NID1: variants seen among roughly 807,000 people sequenced by gnomAD.
The protein encoded by NID1 is nidogen-1.
In NID1, 76 loss-of-function variants were observed where a neutral mutation model predicts 130.6. That is an observed-to-expected ratio of 0.58 (90% CI 0.48 to 0.70). NID1 has a LOEUF of 0.70. Among genes scored for constraint, NID1 ranks in the 30% least tolerant of loss-of-function variants. NID1 has a pLI of 0.00. For missense variants in NID1, 1,517 were observed against 1,664.8 expected (o/e 0.91, Z 1.54); for synonymous variants, 665 against 675.1 (o/e 0.98, Z 0.23).
rs576999361 is a variant in NID1, at chr1:235,985,571, C to G, written c.2929-66G>C. ...GCATCTGATAGTGAGAATCTTTTTG[C>G]GTGCCTACAGGCATTTGGATATCTT... On this transcript the variant is annotated intron_variant, in intron 14 of 19. Coordinates refer to ENST00000264187, the MANE Select transcript of NID1 (RefSeq NM_002508.3). 3.8e-6 allele frequency: 6 copies of G among 1,566,246 alleles called. No homozygotes were observed. In the African/African-American group the frequency reaches 8.1e-5, roughly 21 times the overall value.
chr1:236,039,942 A>G (rs1311776683), intron 4 of NID1, among the ~76,000 whole-genome samples: 1 of 152,196 alleles, frequency 6.6e-6, no homozygotes, highest in Non-Finnish European at 1.5e-5. Flanking sequence ...TGGCCACAGA[A>G]GACTGACCTT....
At chr1:236,046,626 C>A (rs1659610029) in intron 2 of NID1, among the ~76,000 whole-genome samples, 1 of 151,810 alleles carries the variant, frequency 6.6e-6, no homozygotes, top group Non-Finnish European at 1.5e-5. Context: ...AGAGCAAGGG[C>A]AAGGTCAGGG....
At position 235,980,551 on chromosome 1, in the gene NID1, C is replaced by T; in HGVS notation, c.3330G>A (p.Leu1110=). 1.2e-6 allele frequency: 2 copies of T among 1,614,204 alleles called. No individual in the cohort carries two copies. Among genetic ancestry groups the T allele is most frequent in the East Asian group, 2.2e-5 (1 of 44,882 alleles). ...RRILVQDDLG[L]PNGLTFDAFS... ...ACGCATCGAAGGTCAGTCCATTGGG[C>T]AAGCCCAGGTCATCCTGCACAAGGA... is the stretch of plus-strand genomic sequence containing the variant. Residue 1110 remains leucine (L), a synonymous_variant, in exon 17 of 20, where the codon TTG becomes TTA. Coordinates refer to ENST00000264187, the MANE Select transcript of NID1 (RefSeq NM_002508.3).
Position 236,038,231 on chromosome 1 carries a change from G to T in NID1, c.1158C>A (p.Ser386=). 3 of 1,612,564 alleles carry T rather than the reference G, an allele frequency of 1.9e-6. No homozygotes were observed. Among genetic ancestry groups the T allele is most frequent in the Non-Finnish European group, 1.7e-6 (2 of 1,178,970 alleles). Residue 386 remains serine, a synonymous_variant, in exon 5 of 20, where the codon TCC becomes TCA. Coordinates refer to ENST00000264187, the MANE Select transcript of NID1 (RefSeq NM_002508.3). ...TGVVFSYNTD[S]RQTCANNRHQ... is the part of the protein sequence containing the mutation. ...GTCTGTTGTTAGCACACGTCTGGCG[G>T]GAATCCGTGTTATAGCTGAAAACTG...
At position 235,977,865 on chromosome 1, in the gene NID1, CT is replaced by C; in HGVS notation, c.*1del. On this transcript the variant is annotated 3_prime_UTR_variant, in exon 20 of 20. Transcript: ENST00000264187. Reference sequence around the variant, plus strand: ...TGGAAAGGAAATAAGGCACTCTTGTCTTCATTTCTGTTCGATACAGTCAACT... The same window carrying C: ...TGGAAAGGAAATAAGGCACTCTTGTCTCATTTCTGTTCGATACAGTCAACT... 1.2e-6 allele frequency: 2 copies of C among 1,613,876 alleles called. No homozygotes were observed. Among genetic ancestry groups the C allele is most frequent in the Non-Finnish European group, 1.7e-6 (2 of 1,179,922 alleles).
intron 5 of NID1, among the ~76,000 whole-genome samples, chr1:236,032,894 C>T (rs149777451): frequency 5.9e-5 from 9 of 152,194 alleles, no homozygotes; most frequent in South Asian, 4.2e-4. Context: ...ATGGATAGCA[C>T]GAAAGCTGTC....
intron 12 of NID1, 133 bp from the exon 13 acceptor site, chr1:235,994,005 T>C (rs1657846032): frequency 8.6e-6 from 6 of 700,860 alleles, no homozygotes; most frequent in African/African-American, 3.6e-5. Context: ...TTTTGTTTCA[T>C]CAGTTATTCA....
intron 1 of NID1, among the ~76,000 whole-genome samples, chr1:236,063,487 T>TAA (rs1010319242): frequency 7.2e-5 from 10 of 138,770 alleles, no homozygotes; most frequent in African/African-American, 1.5e-4. Context: ...AAAAAATAAA[T>TAA]AAATAAATAA....
At chr1:236,039,043 T>A (rs933976755) in intron 4 of NID1, among the ~76,000 whole-genome samples, 14 of 140,718 alleles carry the variant, frequency 9.9e-5, no homozygotes, top group Non-Finnish European at 1.8e-4. Context: ...TAATATATAT[T>A]TACATTATAT....
intron 9 of NID1, among the ~76,000 whole-genome samples, chr1:236,023,461 G>C (rs2102824607): frequency 6.6e-6 from 1 of 152,266 alleles, no homozygotes; most frequent in East Asian, 1.9e-4. Context: ...TGAAGGAAGG[G>C]GGAAATGTGA....
intron 15 of NID1, 89 bp downstream of exon 15, chr1:235,985,290 G>T: frequency 7.4e-7 from 1 of 1,359,536 alleles, no homozygotes; most frequent in Non-Finnish European, 1.0e-6. Context: ...TGAAAGTTTG[G>T]CTTCATTTGC....
rs1213337946 is a variant in NID1, at chr1:235,976,684, T to C, written c.*1183A>G. 1 of 152,178 alleles carries C rather than the reference T, an allele frequency of 6.6e-6. No homozygotes were observed. The highest frequency in any genetic ancestry group is 1.5e-5 in the Non-Finnish European group (1 of 68,038). 9.4% of individuals were successfully genotyped at this position (152,178 alleles called of 1,614,324 possible). On this transcript the variant is annotated 3_prime_UTR_variant, in exon 20 of 20. Transcript: ENST00000264187. Reference sequence around the variant, plus strand: ...AAATTGTAGAAATATAAACATGAAATGTGGCAATGATCCCTTTAATTAGAT... The same window carrying C: ...AAATTGTAGAAATATAAACATGAAACGTGGCAATGATCCCTTTAATTAGAT...
chr1:236,051,148 T>G (rs1659753415), intron 1 of NID1, among the ~76,000 whole-genome samples: 1 of 152,106 alleles, frequency 6.6e-6, no homozygotes, highest in Admixed American at 6.5e-5. Flanking sequence ...AAATGGCACT[T>G]TATTTTGCTC....
At chr1:235,986,369 A>G (rs1558421646) in intron 14 of NID1, among the ~76,000 whole-genome samples, 1 of 152,120 alleles carries the variant, frequency 6.6e-6, no homozygotes, top group Non-Finnish European at 1.5e-5. Flanking sequence ...CAAAGTCAAT[A>G]TAAAATTATT....
rs147109154 is a variant in NID1 at position 236,064,934 on chromosome 1, C to T, written c.146G>A (p.Gly49Glu). ...CAGGGCAGGAGAGACGAAGTCATCC[C>T]CGTCCTCCAGCTCCAGGTCCCCCTG... ...PGQGDLELED[G>E]DDFVSPALEL... The change falls in exon 1 of 20, where the codon GGG becomes GAG. Residue 49 changes from glycine to glutamate, a missense_variant. Physicochemically the swap from Gly to Glu is moderately conservative, Grantham distance 98. This residue lies in a region of NID1 where 1,329 missense variants were observed against 1,429.2 expected (regional missense o/e 0.93). Transcript: ENST00000264187. 8.0e-4 allele frequency: 1,290 copies of T among 1,610,366 alleles called. 2 individuals are homozygous for T. Among genetic ancestry groups the T allele is most frequent in the Admixed American group, 1.9e-3 (116 of 59,714 alleles).
Position 236,029,691 on chromosome 1 carries a change from T to C in NID1, c.1597A>G (p.Ile533Val), listed in dbSNP as rs772580839. The change falls in exon 7 of 20, where the codon ATT becomes GTT. Residue 533 changes from isoleucine (I) to valine (V), a missense_variant. Transcript: ENST00000264187. ...TCGATGCCGCTGAACCGCTGCTTAA[T>C]GACCAGATTGCCCGGGTGCCCCACG... ...TFVGHPGNLV[I>V]KQRFSGIDEH... is the part of the protein sequence containing the mutation. 1 of 1,614,150 alleles carries C rather than the reference T, an allele frequency of 6.2e-7. No individual in the cohort carries two copies. The highest frequency in any genetic ancestry group is 8.5e-7 in the Non-Finnish European group (1 of 1,180,030).
intron 12 of NID1, among the ~76,000 whole-genome samples, chr1:236,000,866 C>T (rs1039721599): frequency 6.6e-6 from 1 of 152,170 alleles, no homozygotes; most frequent in Non-Finnish European, 1.5e-5. Context: ...TCACAGATGT[C>T]AAGACTCTCT....
At chr1:235,988,295 G>C (rs574841492) in intron 14 of NID1, among the ~76,000 whole-genome samples, 1 of 152,270 alleles carries the variant, frequency 6.6e-6, no homozygotes, top group African/African-American at 2.4e-5. Flanking sequence ...AAGATGTTCA[G>C]TGTCATAAAT....
At chr1:236,033,207 C>T (rs1482060912) in intron 5 of NID1, among the ~76,000 whole-genome samples, 2 of 152,146 alleles carry the variant, frequency 1.3e-5, no homozygotes, top group South Asian at 2.1e-4. Context: ...ACTCAGGAGG[C>T]TGAGGTGGGA....
Sources: gnomAD v4.1 joint callset for allele counts (sites outside exome capture counted in the v4.1 genomes callset) on GRCh38, gnomAD v4.1.1 for gene constraint, gnomAD v4.1.1 regional missense constraint, MANE v1.5 for transcripts, NCBI Gene and HGNC (gene_info 2026-07-23, HGNC 2026-07-21) for gene names.